Variants in RAD52 observed in about 807,000 individuals in gnomAD.
The protein encoded by RAD52 is DNA repair protein RAD52 homolog.
RAD52 carries 47 observed loss-of-function variants against 55.5 expected under a neutral mutation model. That is an observed-to-expected ratio of 0.85 (90% confidence interval 0.67 to 1.08). RAD52 has a LOEUF of 1.08. RAD52 is among the 50% of genes least tolerant of loss of function. The probability of loss-of-function intolerance (pLI) is 0.00; values close to 1 mark genes in which losing one functional copy is unlikely to be tolerated. For missense variants in RAD52, 468 were observed against 522.8 expected (o/e 0.90, Z 1.02); for synonymous variants, 184 against 198.9 (o/e 0.92, Z 0.63).
At chr12:915,920 A>T (rs767740419) in intron 9 of RAD52, among the ~76,000 whole-genome samples, 2 of 152,002 alleles carry the variant, frequency 1.3e-5, no homozygotes, top group Non-Finnish European at 2.9e-5. Flanking sequence ...TTTCGCCATG[A>T]TGGCCAGGCT....
intron 1 of RAD52, among the ~76,000 whole-genome samples, chr12:972,472 A>G (rs1592488453): frequency 6.6e-6 from 1 of 151,734 alleles, no homozygotes; most frequent in East Asian, 1.9e-4. Flanking sequence ...GCCCATTAGA[A>G]GGGTCGCTCT....
At chr12:965,709 A>T (rs998586725) in intron 1 of RAD52, among the ~76,000 whole-genome samples, 6 of 151,468 alleles carry the variant, frequency 4.0e-5, no homozygotes, top group Non-Finnish European at 8.8e-5. Context: ...TTTTCAAGAC[A>T]GAGTCTCACT....
At chr12:939,191 G>A (rs1483709264) in intron 1 of RAD52, among the ~76,000 whole-genome samples, 3 of 151,714 alleles carry the variant, frequency 2.0e-5, no homozygotes, top group East Asian at 1.9e-4. Flanking sequence ...AGACAGTCTC[G>A]CTGTGCCACC....
chr12:972,536 GA>G (rs1958874440), intron 1 of RAD52, among the ~76,000 whole-genome samples: 1 of 152,088 alleles, frequency 6.6e-6, no homozygotes, highest in South Asian at 2.1e-4. Flanking sequence ...GGAGGCCGAG[GA>G]GGGCGGATCA....
At chr12:954,502 C>T (rs189082862), upstream of RAD52, among the ~76,000 whole-genome samples, 858 of 152,004 alleles carry the variant, frequency 5.6e-3, 5 homozygotes, top group African/African-American at 0.019. Flanking sequence ...TGTGGTGACA[C>T]GCACCTGTAA....
intron 6 of RAD52, 36 bp from the exon 7 acceptor site, chr12:925,561 A>G (rs1437291120): frequency 6.6e-7 from 1 of 1,508,960 alleles, no homozygotes; most frequent in African/African-American, 1.4e-5. Context: ...AACAGGGTTA[A>G]GAATTGTTAC....
intron 11 of RAD52, 34 bp downstream of exon 11, chr12:913,860 C>G (rs760971781): frequency 6.4e-7 from 1 of 1,560,760 alleles, no homozygotes; most frequent in African/African-American, 1.4e-5. Flanking sequence ...TAGGATCTCC[C>G]CTTAATTTTT....
chr12:927,748 C>A (rs1430650178), intron 5 of RAD52, among the ~76,000 whole-genome samples: 2 of 152,090 alleles, frequency 1.3e-5, no homozygotes, highest in Non-Finnish European at 2.9e-5. Context: ...CACCTGTAAT[C>A]CCAGCTACTC....
chr12:973,316 T>G (rs1011876649), intron 1 of RAD52, among the ~76,000 whole-genome samples: 5 of 152,088 alleles, frequency 3.3e-5, no homozygotes, highest in South Asian at 2.1e-4. Flanking sequence ...TGATCCACCC[T>G]CCTGGGCCTC....
At chr12:967,443 C>T (rs1458708711) in intron 1 of RAD52, among the ~76,000 whole-genome samples, 1 of 151,366 alleles carries the variant, frequency 6.6e-6, no homozygotes, top group Non-Finnish European at 1.5e-5. Context: ...TGTGAAATTA[C>T]TGCCCACGTA....
intron 1 of RAD52, among the ~76,000 whole-genome samples, chr12:940,870 T>C (rs148828629): frequency 9.3e-5 from 14 of 151,140 alleles, no homozygotes; most frequent in African/African-American, 2.7e-4. Context: ...AAAAAAAAGA[T>C]TGAAAAGAAT....
intron 1 of RAD52, chr12:974,033 TGA>T (rs1958904808): frequency 1.3e-5 from 2 of 152,056 alleles, no homozygotes; most frequent in African/African-American, 4.8e-5. Context: ...ATGTGAAGCA[TGA>T]GAGAGAGGAA....
chr12:987,454 C>T (rs1959100743), intron 1 of RAD52, among the ~76,000 whole-genome samples: 1 of 151,690 alleles, frequency 6.6e-6, no homozygotes, highest in South Asian at 2.1e-4. Context: ...ATTTTCTGTC[C>T]TTCATTAACT....
In RAD52 at chr12:912,722, C is replaced by CAAAAAAA. The variant is rs60090525; in HGVS notation, c.*662_*668dup. ...AGGGCAACACAGCCAGACCCCGTCT[C>CAAAAAAA]AAAAAAAAAAAAAAAAAAAAAAACA... On this transcript the variant is annotated 3_prime_UTR_variant, in exon 12 of 12. Transcript: ENST00000358495. 1,673 of 73,046 alleles carry CAAAAAAA rather than the reference C, an allele frequency of 0.023. 46 individuals carry two copies. Among genetic ancestry groups the CAAAAAAA allele is most frequent in the East Asian group, 0.035 (92 of 2,596 alleles). The allele number at this position is 73,046 out of a possible 1,614,324, so 4.5% of individuals were successfully genotyped here.
At chr12:990,336 G>A (rs1031565155), upstream of RAD52, 9 of 151,524 alleles carry the variant, frequency 5.9e-5, no homozygotes, top group Non-Finnish European at 1.2e-4. Flanking sequence ...AATGGCTGTA[G>A]CTACCCTCTG....
chr12:969,290 T>A (rs1188443440), intron 1 of RAD52, among the ~76,000 whole-genome samples: 1 of 151,944 alleles, frequency 6.6e-6, no homozygotes, highest in Non-Finnish European at 1.5e-5. Context: ...GGAACACCAG[T>A]CAAAGAATTA....
intron 1 of RAD52, among the ~76,000 whole-genome samples, chr12:940,699 A>G (rs891069302): frequency 1.4e-4 from 22 of 152,170 alleles, no homozygotes; most frequent in Admixed American, 5.9e-4. Flanking sequence ...GTAAGAGCCA[A>G]AGGACATAGA....
chr12:984,675 T>A (rs1346130939), intron 1 of RAD52, among the ~76,000 whole-genome samples: 27 of 152,034 alleles, frequency 1.8e-4, no homozygotes, highest in Admixed American at 1.8e-3. Flanking sequence ...AGACTTTTTT[T>A]TTTTTTTGAG....
intron 1 of RAD52, among the ~76,000 whole-genome samples, chr12:956,067 C>T (rs1017788334): frequency 6.6e-6 from 1 of 152,216 alleles, no homozygotes; most frequent in Non-Finnish European, 1.5e-5. Flanking sequence ...CTTCCCTTTG[C>T]CTGCTACTCC....
Sources: allele counts gnomAD v4.1 joint callset (sites outside exome capture counted in the v4.1 genomes callset), GRCh38; gene constraint gnomAD v4.1.1; transcripts MANE v1.5; gene names NCBI Gene and HGNC (gene_info 2026-07-23, HGNC 2026-07-21).